The following ERC2 variants were observed in gnomAD, a reference collection of about 807,000 sequenced individuals.
The protein encoded by ERC2 is ELKS/RAB6-interacting/CAST family member 2.
A neutral mutation model predicts 114.8 loss-of-function variants in ERC2; 42 were observed. The observed-to-expected ratio is 0.37, with a 90% CI of 0.29 to 0.47. ERC2 has a LOEUF of 0.47. ERC2 is among the 20% of genes least tolerant of loss of function. The probability of loss-of-function intolerance (pLI) is 0.99; values close to 1 mark genes in which losing one functional copy is unlikely to be tolerated. For missense variants in ERC2, 939 were observed against 1,150.7 expected, an observed-to-expected ratio of 0.82 and a Z score of 2.66; for synonymous variants, 454 against 425.5, an observed-to-expected ratio of 1.07 and a Z score of -0.82.
Position 55,973,591 on chromosome 3 carries a change from G to A in ERC2, c.2267+12386C>T, listed in dbSNP as rs1321071577. On this transcript the variant is annotated intron_variant, in intron 12 of 17. Transcript: ENST00000288221. ...GAGATTATCTAGGTTCAAATCCAGAGTGACCTTGAGCAGATTACAAATAAC... is the reference window on the plus strand; with the variant it reads ...GAGATTATCTAGGTTCAAATCCAGAATGACCTTGAGCAGATTACAAATAAC... Among the ~76,000 whole-genome samples, 6 of 152,332 alleles carry A rather than the reference G, an allele frequency of 3.9e-5. No individual in the cohort carries two copies. In the South Asian group the frequency reaches 1.2e-3, roughly 32 times the overall value.
chr3:55,521,700 T>C (rs917334937), intron 17 of ERC2, among the ~76,000 whole-genome samples: 3 of 152,312 alleles, frequency 2.0e-5, no homozygotes, highest in South Asian at 2.1e-4. Flanking sequence ...GTGGCCTTGC[T>C]ATGTGAGGCT....
At chr3:55,962,920 ATGTC>A (rs1346042949) in intron 12 of ERC2, among the ~76,000 whole-genome samples, 1 of 152,204 alleles carries the variant, frequency 6.6e-6, no homozygotes, top group Non-Finnish European at 1.5e-5. Flanking sequence ...TCAGGATACT[ATGTC>A]TGTTCTGTAG....
At chr3:56,340,662 C>T (rs997064854) in intron 2 of ERC2, among the ~76,000 whole-genome samples, 1 of 151,586 alleles carries the variant, frequency 6.6e-6, no homozygotes, top group Non-Finnish European at 1.5e-5. Flanking sequence ...CATGCATAAT[C>T]GTCTGACAAT....
chr3:56,201,245 C>T (rs7627677), intron 3 of ERC2, among the ~76,000 whole-genome samples: 2,476 of 152,310 alleles, frequency 0.016, 76 homozygotes, highest in African/African-American at 0.057. Flanking sequence ...CTACCATATA[C>T]CAAGCAAACA....
intron 4 of ERC2, among the ~76,000 whole-genome samples, chr3:56,172,917 CT>C (rs928612163): frequency 2.0e-5 from 3 of 152,086 alleles, no homozygotes; most frequent in African/African-American, 7.2e-5. Context: ...AAATAGGATA[CT>C]TTGCAAGTAC....
intron 17 of ERC2, among the ~76,000 whole-genome samples, chr3:55,601,707 C>G (rs1176918869): frequency 6.6e-6 from 1 of 152,134 alleles, no homozygotes; most frequent in Admixed American, 6.5e-5. Flanking sequence ...TGGTTTATGT[C>G]TGTAAGCACT....
intron 7 of ERC2, among the ~76,000 whole-genome samples, chr3:56,042,034 G>A (rs1463512291): frequency 3.3e-5 from 5 of 152,178 alleles, no homozygotes; most frequent in Non-Finnish European, 7.3e-5. Flanking sequence ...GCGGCAAAGT[G>A]AGGTTCACAC....
chr3:56,199,377 T>G (rs1326290961), intron 3 of ERC2, among the ~76,000 whole-genome samples: 1 of 152,058 alleles, frequency 6.6e-6, no homozygotes, highest in Non-Finnish European at 1.5e-5. Flanking sequence ...TTTGAAAAAC[T>G]GACAGGTAAG....
intron 2 of ERC2, among the ~76,000 whole-genome samples, chr3:56,375,768 G>A (rs144525250): frequency 7.2e-5 from 11 of 152,210 alleles, no homozygotes; most frequent in South Asian, 2.1e-4. Flanking sequence ...TTGTGGCCTC[G>A]ATCTAGCAAC....
intron 3 of ERC2, among the ~76,000 whole-genome samples, chr3:56,181,048 T>A (rs1028190507): frequency 6.6e-6 from 1 of 152,226 alleles, no homozygotes; most frequent in African/African-American, 2.4e-5. Context: ...ACAAAGCTTT[T>A]TTGCATTTTG....
At chr3:56,232,986 T>C (rs540878933) in intron 3 of ERC2, among the ~76,000 whole-genome samples, 5 of 152,340 alleles carry the variant, frequency 3.3e-5, no homozygotes, top group South Asian at 4.1e-4. Flanking sequence ...CCTTCAGATA[T>C]GCATTGGCAC....
intron 2 of ERC2, among the ~76,000 whole-genome samples, chr3:56,399,772 A>T (rs1011462397): frequency 4.5e-4 from 68 of 152,184 alleles, no homozygotes; most frequent in Non-Finnish European, 9.9e-4. Context: ...CCATGAAAAA[A>T]AAAGGAACTT....
intron 17 of ERC2, among the ~76,000 whole-genome samples, chr3:55,579,366 A>AGAGACAAGGTTGTATTCTGGGT (rs1284994261): frequency 1.3e-5 from 2 of 152,222 alleles, no homozygotes; most frequent in Non-Finnish European, 2.9e-5. Flanking sequence ...CACTGGATTC[A>AGAGACAAGGTTGTATTCTGGGT]GAGACAAGGT....
At chr3:55,949,095 C>T (rs757651536) in intron 13 of ERC2, among the ~76,000 whole-genome samples, 2 of 151,968 alleles carry the variant, frequency 1.3e-5, no homozygotes, top group African/African-American at 4.8e-5. Context: ...CCTGGACAGG[C>T]GCAGTGGTTC....
chr3:55,847,833 C>T (rs1396018886), intron 14 of ERC2, among the ~76,000 whole-genome samples: 1 of 152,200 alleles, frequency 6.6e-6, no homozygotes, highest in Non-Finnish European at 1.5e-5. Context: ...CAGAGTCTCA[C>T]TGTAGCACAG....
chr3:55,710,025 T>G (rs2063695006), intron 15 of ERC2, among the ~76,000 whole-genome samples: 1 of 152,216 alleles, frequency 6.6e-6, no homozygotes, highest in Non-Finnish European at 1.5e-5. Context: ...GGCAGGCGAT[T>G]GTTCCAAATA....
chr3:56,154,257 C>T (rs1253200754), intron 4 of ERC2, among the ~76,000 whole-genome samples: 2 of 151,820 alleles, frequency 1.3e-5, no homozygotes, highest in East Asian at 1.9e-4. Flanking sequence ...AGAACGAATA[C>T]CAAAAAAATC....
At chr3:55,998,098 C>A (rs1254489045) in intron 10 of ERC2, among the ~76,000 whole-genome samples, 1 of 151,330 alleles carries the variant, frequency 6.6e-6, no homozygotes, top group Non-Finnish European at 1.5e-5. Flanking sequence ...AAATTATTCA[C>A]TCACAATTCA....
chr3:56,159,785 A>G (rs2081955032), intron 4 of ERC2, among the ~76,000 whole-genome samples: 1 of 152,104 alleles, frequency 6.6e-6, no homozygotes, highest in African/African-American at 2.4e-5. Context: ...GTGTTAATTC[A>G]CTTAGGATAA....
Sources: allele counts gnomAD v4.1 joint callset (sites outside exome capture counted in the v4.1 genomes callset), GRCh38; gene constraint gnomAD v4.1.1; transcripts MANE v1.5; gene names NCBI Gene and HGNC (gene_info 2026-07-23, HGNC 2026-07-21).